ZWILCH: variants seen among roughly 807,000 people sequenced by gnomAD.
ZWILCH encodes the protein protein zwilch homolog.
In ZWILCH, 74 loss-of-function variants were observed where a neutral mutation model predicts 79.9. The ratio of observed to expected loss-of-function variants is 0.93; its 90% CI spans 0.77 to 1.12. The LOEUF is 1.12. Ranked by LOEUF, ZWILCH falls within the 50% of genes most tolerant of loss-of-function variation. ZWILCH has a pLI of 0.00. For synonymous variants in ZWILCH, 241 were observed against 228.2 expected (o/e 1.06, Z -0.51); for missense variants, 694 against 687.5 (o/e 1.01, Z -0.11).
At chr15:66,544,402 C>G (rs11853224) in intron 17 of ZWILCH, among the ~76,000 whole-genome samples, 15,794 of 151,500 alleles carry the variant, frequency 0.1, 1,115 homozygotes, top group African/African-American at 0.19. Flanking sequence ...CATGATCTTG[C>G]CTCACTGCAG....
At position 66,519,124 on chromosome 15, in the gene ZWILCH, T is replaced by C. The variant is rs765578238; in HGVS notation, c.520+46T>C. Reference sequence around the variant, plus strand: ...GTGTGTGTGTGTATTTATTCATTTGTATAGTTATTGTTTCATGTTTTTTTA... The same window carrying C: ...GTGTGTGTGTGTATTTATTCATTTGCATAGTTATTGTTTCATGTTTTTTTA... On this transcript the variant is annotated intron_variant, in intron 5 of 18. Transcript: ENST00000307897. The C allele has an allele frequency of 1.3e-5, 20 of 1,571,916 alleles. No individual in the cohort carries two copies. The South Asian group carries it at 2.2e-4, about 18-fold the overall frequency.
intron 9 of ZWILCH, 40 bp downstream of exon 9, chr15:66,527,423 T>A (rs1894710092): frequency 7.0e-7 from 1 of 1,424,818 alleles, no homozygotes; most frequent in Non-Finnish European, 9.9e-7. Context: ...TTATACTTGC[T>A]ATGTTTAAAT....
At position 66,534,651 on chromosome 15, in the gene ZWILCH, G is replaced by C. The variant is rs376520391; in HGVS notation, c.1342-1282G>C. On this transcript the variant is annotated intron_variant, in intron 14 of 18. Coordinates refer to ENST00000307897, the MANE Select transcript of ZWILCH (RefSeq NM_017975.5). ...AATGGTATTTGTGTATCTAAACATA[G>C]AAGGGGTACAGTAAAAATAACGTAC... is the stretch of plus-strand genomic sequence containing the variant. 5.3e-5 allele frequency among the ~76,000 whole-genome samples: 8 copies of C among 152,222 alleles called. No individual in the cohort carries two copies. In the South Asian group the frequency reaches 6.2e-4, roughly 12 times the overall value.
chr15:66,544,724 T>TTTG (rs145952622), intron 17 of ZWILCH, among the ~76,000 whole-genome samples: 4 of 128,544 alleles, frequency 3.1e-5, no homozygotes, highest in South Asian at 2.7e-4. Context: ...TTTTTGGTTT[T>TTTG]TGTGTGTGTG....
chr15:66,511,494 CAAAAA>C (rs368695686), intron 2 of ZWILCH, among the ~76,000 whole-genome samples: 1 of 86,306 alleles, frequency 1.2e-5, no homozygotes, highest in Non-Finnish European at 2.4e-5. Context: ...GCCTGTCTTC[CAAAAA>C]AAAAAAAAAA....
At chr15:66,514,122 AT>A (rs1894170145) in intron 3 of ZWILCH, 39 bp downstream of exon 3, 6 of 1,480,332 alleles carry the variant, frequency 4.1e-6, no homozygotes, top group Non-Finnish European at 5.5e-6. Flanking sequence ...TTAATTCTCC[AT>A]AACCAAATTT....
intron 8 of ZWILCH, among the ~76,000 whole-genome samples, chr15:66,524,966 A>G (rs1460851428): frequency 6.6e-6 from 1 of 152,142 alleles, no homozygotes; most frequent in East Asian, 1.9e-4. Flanking sequence ...AGCAAGCTCC[A>G]AACCCTCATC....
intron 8 of ZWILCH, among the ~76,000 whole-genome samples, chr15:66,524,189 C>G (rs1894599166): frequency 2.0e-5 from 3 of 151,778 alleles, no homozygotes; most frequent in Non-Finnish European, 2.9e-5. Flanking sequence ...GTATATTTAC[C>G]TTTTGAGGAA....
intron 12 of ZWILCH, among the ~76,000 whole-genome samples, chr15:66,531,985 T>C (rs1894865330): frequency 6.6e-6 from 1 of 152,098 alleles, no homozygotes. Context: ...GAGAATTGCT[T>C]GAACCTGGGA....
chr15:66,522,331 C>CT (rs1292788536), intron 7 of ZWILCH, among the ~76,000 whole-genome samples: 18,173 of 135,786 alleles, frequency 0.13, 2,027 homozygotes, highest in African/African-American at 0.3. Context: ...AGATTTCTTT[C>CT]TTTTTTTTTT....
chr15:66,529,457 A>G (rs376430636), intron 11 of ZWILCH, 37 bp from the exon 12 acceptor site: 39 of 1,444,872 alleles, frequency 2.7e-5, no homozygotes, highest in Non-Finnish European at 3.4e-5. Flanking sequence ...CTGTAGAAAT[A>G]CCCTGAAAAT....
intron 17 of ZWILCH, 108 bp from the exon 18 acceptor site, chr15:66,546,483 C>A: frequency 1.9e-6 from 1 of 532,020 alleles, no homozygotes; most frequent in Non-Finnish European, 3.2e-6. Flanking sequence ...AGACACATTG[C>A]CATTTAGACC....
At chr15:66,545,863 A>T (rs1173971653) in intron 17 of ZWILCH, among the ~76,000 whole-genome samples, 1 of 152,206 alleles carries the variant, frequency 6.6e-6, no homozygotes. Context: ...TAGACTTCTT[A>T]TTTCTTTGGA....
At chr15:66,515,710 G>T (rs368539592) in intron 4 of ZWILCH, 66 bp downstream of exon 4, 1 of 1,187,186 alleles carries the variant, frequency 8.4e-7, no homozygotes. Context: ...TCTTATAAAC[G>T]TTGGGAAAAA....
At chr15:66,514,261 C>A in intron 3 of ZWILCH, 178 bp downstream of exon 3, 3 of 355,700 alleles carry the variant, frequency 8.4e-6, no homozygotes, top group Non-Finnish European at 1.0e-5. Context: ...TGCAATTTAA[C>A]ATTTTCTTGT....
chr15:66,531,644 A>T (rs1894855815), intron 12 of ZWILCH, among the ~76,000 whole-genome samples: 2 of 151,618 alleles, frequency 1.3e-5, no homozygotes, highest in Non-Finnish European at 1.5e-5. Flanking sequence ...TTTAGTAGAG[A>T]CGGGGTTTCA....
In ZWILCH at chr15:66,529,492, A is replaced by T. The variant is rs985898010; in HGVS notation, c.1076-2A>T. The stretch of plus-strand genomic sequence containing the variant: ...TAATGTTACACTGACTTGTTTTCCA[A>T]GGTGTGATTTCATACCAAGACTTGG... On this transcript the variant is annotated splice_acceptor_variant, in intron 11 of 18. Coordinates refer to ENST00000307897, the MANE Select transcript of ZWILCH (RefSeq NM_017975.5). LOFTEE classifies it high-confidence loss of function. 2.5e-6 allele frequency: 4 copies of T among 1,611,448 alleles called. No individual in the cohort carries two copies. Among genetic ancestry groups the T allele is most frequent in the Non-Finnish European group, 3.4e-6 (4 of 1,177,700 alleles).
At chr15:66,525,610 C>T (rs1211064350) in intron 8 of ZWILCH, among the ~76,000 whole-genome samples, 1 of 152,104 alleles carries the variant, frequency 6.6e-6, no homozygotes, top group Non-Finnish European at 1.5e-5. Flanking sequence ...GCACTATTGG[C>T]ATTTGGGCAG....
intron 8 of ZWILCH, among the ~76,000 whole-genome samples, chr15:66,526,392 A>G (rs756938056): frequency 1.3e-5 from 2 of 151,842 alleles, no homozygotes; most frequent in African/African-American, 4.8e-5. Context: ...CTGCCAGCCT[A>G]TGGTTCCCAC....
Sources: gnomAD v4.1 joint callset for allele counts (sites outside exome capture counted in the v4.1 genomes callset) on GRCh38, gnomAD v4.1.1 for gene constraint, MANE v1.5 for transcripts, NCBI Gene and HGNC (gene_info 2026-07-23, HGNC 2026-07-21) for gene names.